Variants in WRN observed in about 807,000 individuals in gnomAD.
The protein encoded by WRN is bifunctional 3'-5' exonuclease/ATP-dependent helicase WRN.
A neutral mutation model predicts 180.7 loss-of-function variants in WRN; 149 were observed. That is an observed-to-expected ratio of 0.82 (90% CI 0.72 to 0.94). The LOEUF (loss-of-function observed/expected upper bound fraction) is 0.94, where lower values mean the gene tolerates loss of function less well. Ranked by LOEUF, WRN falls within the 40% of genes least tolerant of loss-of-function variation. The pLI is 0.00. For synonymous variants in WRN, 548 were observed against 568.9 expected (o/e 0.96, Z 0.52); for missense variants, 1,661 against 1,700.1 (o/e 0.98, Z 0.40).
At chr8:31,096,310 G>A (rs1445592259) in intron 16 of WRN, among the ~76,000 whole-genome samples, 2 of 152,110 alleles carry the variant, frequency 1.3e-5, no homozygotes, top group East Asian at 3.8e-4. Context: ...TCATAGAATG[G>A]AGAGCAGACT....
At chr8:31,085,337 A>G (rs1813489025) in intron 11 of WRN, 91 bp downstream of exon 11, 1 of 1,396,364 alleles carries the variant, frequency 7.2e-7, no homozygotes, top group East Asian at 2.4e-5. Context: ...ACCAGGTTCC[A>G]CCACAATGAA....
intron 8 of WRN, among the ~76,000 whole-genome samples, chr8:31,079,924 G>A (rs1585426108): frequency 6.6e-6 from 1 of 151,630 alleles, no homozygotes; most frequent in Non-Finnish European, 1.5e-5. Flanking sequence ...CGCCCAGGCT[G>A]GAGTGCAATG....
Position 31,159,828 on chromosome 8 carries a change from C to G in WRN, c.3982+2298C>G, listed in dbSNP as rs1337406138. Among the ~76,000 whole-genome samples the G allele has an allele frequency of 2.0e-5, 3 of 151,682 alleles. No individual in the cohort carries two copies. In the East Asian group the frequency reaches 5.8e-4, roughly 29 times the overall value. On this transcript the variant is annotated intron_variant, in intron 33 of 34. Transcript: ENST00000298139. ...GCAGTGGTGGCATGCGCCTGTAATC[C>G]CAGCTACTCAGGAGACTGAGGCAGG...
chr8:31,120,481 A>C, intron 21 of WRN, 57 bp downstream of exon 21: 1 of 1,531,410 alleles, frequency 6.5e-7, no homozygotes, highest in South Asian at 1.2e-5. Flanking sequence ...TTCCATATAA[A>C]CCTCAAAAGT....
chr8:31,036,316 G>A (rs1303678530), intron 1 of WRN, among the ~76,000 whole-genome samples: 2 of 152,182 alleles, frequency 1.3e-5, no homozygotes, highest in African/African-American at 4.8e-5. Context: ...GAATAGTGCT[G>A]CAGGAAACAT....
At position 31,141,671 on chromosome 8, in the gene WRN, C is replaced by CT. The variant is rs753033408; in HGVS notation, c.3139-6dup. 4 of 1,614,042 alleles carry CT rather than the reference C, an allele frequency of 2.5e-6. No homozygotes were observed. The African/African-American group carries it at 4.0e-5, about 16-fold the overall frequency. ...ACTCCACATTAAAAGATCCTTTTTG[C>CT]TTTTAATAGGGTAGAAATTGGCTTC... is the stretch of plus-strand genomic sequence containing the variant. On this transcript the variant is annotated splice_polypyrimidine_tract_variant and intron_variant, in intron 25 of 34. Transcript: ENST00000298139.
chr8:31,166,157 G>A (rs1222081302), intron 33 of WRN, among the ~76,000 whole-genome samples: 1 of 152,052 alleles, frequency 6.6e-6, no homozygotes, highest in Non-Finnish European at 1.5e-5. Flanking sequence ...TTTAAAGAAC[G>A]TCTTTTCAGG....
rs1323544134 is a variant in WRN, at chr8:31,034,163, G to C, written c.-77+190G>C. Among the ~76,000 whole-genome samples, 4 of 152,132 alleles carry C rather than the reference G, an allele frequency of 2.6e-5. 1 individual carries two copies. The highest frequency in any genetic ancestry group is 9.7e-5 in the African/African-American group (4 of 41,436). On this transcript the variant is annotated intron_variant, in intron 1 of 34. Transcript: ENST00000298139. ...GGAGCAGCTGGGAAAGGCGTCTCTCGGAGCTTCCGCCATTCAGAAAGTGTT... is the reference window on the plus strand; with the variant it reads ...GGAGCAGCTGGGAAAGGCGTCTCTCCGAGCTTCCGCCATTCAGAAAGTGTT...
intron 31 of WRN, among the ~76,000 whole-genome samples, chr8:31,153,691 A>T (rs575756754): frequency 6.6e-6 from 1 of 152,364 alleles, no homozygotes; most frequent in Admixed American, 6.5e-5. Context: ...TATATATAGC[A>T]TGTAAAAAGT....
In WRN at chr8:31,093,169, C is replaced by T. The variant is rs556999675; in HGVS notation, c.1898+1271C>T. ...GCCCAGGCTGGTCTTGAACTCCTGG[C>T]GTCAGGATTGTTTCCAGTTTTGGAT... On this transcript the variant is annotated intron_variant, in intron 16 of 34. Transcript: ENST00000298139. Among the ~76,000 whole-genome samples the T allele has an allele frequency of 6.6e-5, 10 of 152,178 alleles. No individual in the cohort carries two copies. In the East Asian group the frequency reaches 9.7e-4, roughly 15 times the overall value.
intron 30 of WRN, among the ~76,000 whole-genome samples, chr8:31,148,264 C>A (rs1460026274): frequency 6.6e-6 from 1 of 152,128 alleles, no homozygotes; most frequent in Admixed American, 6.6e-5. Context: ...CCTCCTCCTT[C>A]TTAATGACAC....
At chr8:31,076,450 G>T (rs1456620620) in intron 8 of WRN, among the ~76,000 whole-genome samples, 163 bp downstream of exon 8, 3 of 152,038 alleles carry the variant, frequency 2.0e-5, no homozygotes, top group Non-Finnish European at 4.4e-5. Flanking sequence ...TATCTTTCCA[G>T]TTGTTGAATA....
chr8:31,170,900 CTGA>C (rs1804076291), intron 34 of WRN, among the ~76,000 whole-genome samples: 1 of 152,114 alleles, frequency 6.6e-6, no homozygotes, highest in Admixed American at 6.6e-5. Flanking sequence ...ATTATAAATG[CTGA>C]TGATCATATT....
chr8:31,055,593 A>G (rs1585398507), intron 1 of WRN, among the ~76,000 whole-genome samples: 1 of 150,492 alleles, frequency 6.6e-6, no homozygotes, highest in Non-Finnish European at 1.5e-5. Flanking sequence ...TCCTCTGCCT[A>G]CTTTTTAATG....
intron 30 of WRN, among the ~76,000 whole-genome samples, chr8:31,149,462 T>TG (rs1803015308): frequency 4.3e-5 from 1 of 23,092 alleles, no homozygotes; most frequent in Non-Finnish European, 8.9e-5. Context: ...GGTGTTTTTT[T>TG]TTTTTTTTTT....
chr8:31,114,536 A>G, intron 19 of WRN, among the ~76,000 whole-genome samples: 1 of 152,216 alleles, frequency 6.6e-6, no homozygotes, highest in Non-Finnish European at 1.5e-5. Flanking sequence ...AAAGAGTGAT[A>G]TGTAGTCAAT....
intron 30 of WRN, among the ~76,000 whole-genome samples, chr8:31,147,969 C>T (rs1802934724): frequency 6.6e-6 from 1 of 151,012 alleles, no homozygotes; most frequent in Admixed American, 6.6e-5. Context: ...CTCACTGCAG[C>T]CTTGACCCCC....
chr8:31,149,650 A>G (rs1248164525), intron 30 of WRN, among the ~76,000 whole-genome samples: 1 of 150,858 alleles, frequency 6.6e-6, no homozygotes, highest in East Asian at 2.0e-4. Context: ...AATTTTTTGT[A>G]TTTTAGTAGA....
rs1440039927 is a variant in WRN, at chr8:31,167,047, A to G, written c.4008A>G (p.Arg1336=). 2 of 1,612,984 alleles carry G rather than the reference A, an allele frequency of 1.2e-6. No individual in the cohort carries two copies. Among genetic ancestry groups the G allele is most frequent in the Non-Finnish European group, 1.7e-6 (2 of 1,179,354 alleles). The change falls in exon 34 of 35, where the codon AGA becomes AGG. Residue 1336 remains arginine, a synonymous_variant. Transcript: ENST00000298139. ...ATATGAGTAAAATTAGCCTAATCAG[A>G]ATGTTAGTTCCTGAAAACATTGACA... ...NSDMSKISLI[R]MLVPENIDTY... is the part of the protein sequence containing the mutation.
Sources: allele counts gnomAD v4.1 joint callset (sites outside exome capture counted in the v4.1 genomes callset), GRCh38; gene constraint gnomAD v4.1.1; transcripts MANE v1.5; gene names NCBI Gene and HGNC (gene_info 2026-07-23, HGNC 2026-07-21).